Variants in OR10J1 observed in about 807,000 individuals in gnomAD.
OR10J1 encodes the protein olfactory receptor family 10 subfamily J member 1.
For missense variants in OR10J1, 474 were observed against 376.6 expected, an observed-to-expected ratio of 1.26 and a Z score of -2.14; for synonymous variants, 202 against 143.8, an observed-to-expected ratio of 1.40 and a Z score of -2.89.
the OR10J1 span, among the ~76,000 whole-genome samples, chr1:159,402,824 C>T: frequency 1.3e-5 from 2 of 151,968 alleles, no homozygotes; most frequent in African/African-American, 2.4e-5. Flanking sequence ...GCAAAAAGAA[C>T]AAAACTGGAA....
the OR10J1 span, among the ~76,000 whole-genome samples, chr1:159,423,077 C>T: frequency 6.6e-6 from 1 of 152,166 alleles, no homozygotes; most frequent in Non-Finnish European, 1.5e-5. Flanking sequence ...AGCCCCTCTT[C>T]TATTTCAATC....
At chr1:159,435,988 G>A (rs78328739), upstream of OR10J1, among the ~76,000 whole-genome samples, 4,482 of 152,160 alleles carry the variant, frequency 0.029, 231 homozygotes, top group African/African-American at 0.1. Context: ...TACTGACTTC[G>A]GAGGGTTATT....
chr1:159,411,409 T>C, the OR10J1 span, among the ~76,000 whole-genome samples: 29 of 152,316 alleles, frequency 1.9e-4, no homozygotes, highest in East Asian at 5.6e-3. Context: ...ATATTTAGGA[T>C]AGTTAGCTCT....
chr1:159,430,795 A>G, the OR10J1 span, among the ~76,000 whole-genome samples: 2 of 152,122 alleles, frequency 1.3e-5, no homozygotes, highest in African/African-American at 4.8e-5. Context: ...CCTGCTATGT[A>G]TCAGGAACTG....
chr1:159,425,136 T>C, the OR10J1 span, among the ~76,000 whole-genome samples: 1 of 152,140 alleles, frequency 6.6e-6, no homozygotes, highest in Non-Finnish European at 1.5e-5. Context: ...ATACAACATA[T>C]GTGGATACAA....
chr1:159,415,679 A>C, the OR10J1 span, among the ~76,000 whole-genome samples: 1 of 152,052 alleles, frequency 6.6e-6, no homozygotes, highest in Admixed American at 6.6e-5. Flanking sequence ...AATTTTAATG[A>C]TATGAATATG....
At chr1:159,406,991 A>G in the OR10J1 span, among the ~76,000 whole-genome samples, 23 of 152,084 alleles carry the variant, frequency 1.5e-4, no homozygotes, top group Non-Finnish European at 5.9e-5. Context: ...TGTTTTCGGA[A>G]ATAGAGGTCA....
chr1:159,404,019 G>C, the OR10J1 span, among the ~76,000 whole-genome samples: 1 of 152,064 alleles, frequency 6.6e-6, no homozygotes, highest in Non-Finnish European at 1.5e-5. Context: ...GGCACAGGAA[G>C]ACAAACATTG....
chr1:159,422,333 G>A, the OR10J1 span, among the ~76,000 whole-genome samples: 1 of 152,186 alleles, frequency 6.6e-6, no homozygotes, highest in Non-Finnish European at 1.5e-5. Context: ...TACTACTGAG[G>A]AGGGTGGAGT....
At chr1:159,421,039 G>A in the OR10J1 span, among the ~76,000 whole-genome samples, 1 of 152,012 alleles carries the variant, frequency 6.6e-6, no homozygotes, top group South Asian at 2.1e-4. Context: ...ACAAATTTGA[G>A]TACTTGGTCA....
the OR10J1 span, among the ~76,000 whole-genome samples, chr1:159,399,679 A>G: frequency 6.6e-6 from 1 of 152,018 alleles, no homozygotes; most frequent in Admixed American, 6.6e-5. Flanking sequence ...TAGAAAATTT[A>G]CTGGTAATAG....
chr1:159,440,382 G>A lies in OR10J1; in HGVS notation c.591G>A (p.Leu197=). The A allele has an allele frequency of 6.2e-7, 1 of 1,614,132 alleles. No individual in the cohort carries two copies. Among genetic ancestry groups the A allele is most frequent in the African/African-American group, 1.3e-5 (1 of 75,022 alleles). Residue 197 remains leucine (L), a synonymous_variant, in exon 1 of 1, where the codon CTG becomes CTA. Coordinates refer to ENST00000423932, the MANE Select transcript of OR10J1 (RefSeq NM_012351.3). ...TTGACACCACTGTCAATGAAATCCTGACTTTGATTATCAGTGTGCTGGTGC... is the reference window on the plus strand; with the variant it reads ...TTGACACCACTGTCAATGAAATCCTAACTTTGATTATCAGTGTGCTGGTGC... ...SCIDTTVNEI[L]TLIISVLVLV... is the part of the protein sequence containing the mutation.
chr1:159,440,705 G>A lies in OR10J1; in HGVS notation c.914G>A (p.Gly305Asp), dbSNP rs200953384. Residue 305 changes from glycine to aspartate, a missense_variant, in exon 1 of 1, where the codon GGT becomes GAT. By Grantham distance (94) the Gly-to-Asp change is moderately conservative. Coordinates refer to ENST00000423932, the MANE Select transcript of OR10J1 (RefSeq NM_012351.3). Reference sequence around the variant, plus strand: ...AAAGATGCTCTGTGCAGGGCTGTTGGTGGGAAGTTTTCCTGACCATGTAGG... The same window carrying A: ...AAAGATGCTCTGTGCAGGGCTGTTGATGGGAAGTTTTCCTGACCATGTAGG... ...EVKDALCRAVGGKFS is the reference protein window; with the variant it reads ...EVKDALCRAVDGKFS The A allele has an allele frequency of 2.5e-6, 4 of 1,609,960 alleles. No homozygotes were observed. In the African/African-American group the frequency reaches 5.3e-5, roughly 21 times the overall value.
chr1:159,426,983 T>C, the OR10J1 span, among the ~76,000 whole-genome samples: 2 of 151,892 alleles, frequency 1.3e-5, no homozygotes, highest in Non-Finnish European at 2.9e-5. Context: ...ACAAATAAAA[T>C]TGAAGCACAG....
chr1:159,410,831 C>T, the OR10J1 span, among the ~76,000 whole-genome samples: 3 of 149,894 alleles, frequency 2.0e-5, no homozygotes, highest in East Asian at 2.0e-4. Context: ...CTCTTGTGGG[C>T]ATTTAGTGCT....
upstream of OR10J1, among the ~76,000 whole-genome samples, chr1:159,436,219 C>T (rs1374171232): frequency 6.6e-6 from 1 of 151,846 alleles, no homozygotes; most frequent in Non-Finnish European, 1.5e-5. Flanking sequence ...CTCGTAGCCA[C>T]CAATGATATC....
chr1:159,423,065 G>A, the OR10J1 span, among the ~76,000 whole-genome samples: 12 of 152,096 alleles, frequency 7.9e-5, no homozygotes, highest in Non-Finnish European at 1.6e-4. Flanking sequence ...CAGCCATCTT[G>A]AAGCCCCTCT....
At chr1:159,405,986 G>T in the OR10J1 span, 4 of 451,610 alleles carry the variant, frequency 8.9e-6, no homozygotes, top group East Asian at 4.5e-5. Flanking sequence ...GTAAGGGGTT[G>T]CAGAAGACCA....
At chr1:159,416,283 G>T in the OR10J1 span, among the ~76,000 whole-genome samples, 1 of 151,824 alleles carries the variant, frequency 6.6e-6, no homozygotes, top group African/African-American at 2.4e-5. Context: ...AGGCTTTCAG[G>T]TTTTCCCCAT....
Sources: gnomAD v4.1 joint callset for allele counts (sites outside exome capture counted in the v4.1 genomes callset) on GRCh38, gnomAD v4.1.1 for gene constraint, MANE v1.5 for transcripts, NCBI Gene and HGNC (gene_info 2026-07-23, HGNC 2026-07-21) for gene names.